The following MUC5B variants were observed in gnomAD, a reference collection of about 807,000 sequenced individuals.
The protein encoded by MUC5B is mucin-5B.
Under a neutral mutation model 376.9 loss-of-function variants are expected in MUC5B, and 116 were observed. That is an observed-to-expected ratio of 0.31 (90% CI 0.26 to 0.36). MUC5B has a LOEUF of 0.36. MUC5B is among the 10% of genes least tolerant of loss of function. The pLI, the probability that MUC5B is intolerant of heterozygous loss-of-function variation, is 1.00. For synonymous variants in MUC5B, 3,517 were observed against 3,390.9 expected, an observed-to-expected ratio of 1.04 and a Z score of -1.29; for missense variants, 7,165 against 7,769.9, an observed-to-expected ratio of 0.92 and a Z score of 2.93.
chr11:1,256,624 G>A, intron 38 of MUC5B, 47 bp from the exon 39 acceptor site: 1 of 1,465,888 alleles, frequency 6.8e-7, no homozygotes, highest in Non-Finnish European at 9.2e-7. Flanking sequence ...TGACAGTGGA[G>A]GCCTCCTGGA....
rs753818296 is a variant in MUC5B at position 1,241,395 on chromosome 11, C to A, written c.4515C>A (p.Pro1505=). Residue 1505 remains proline (P), a synonymous_variant, in exon 31 of 49, where the codon CCC becomes CCA. Transcript: ENST00000529681. ...CCCCAGGTACCACCACCTGCCAGCC[C>A]CGGTGTCAGTGGACAGAGTGGTTTG... ...PSAPGTTTCQ[P]RCQWTEWFDE... is the part of the protein sequence containing the mutation. 1 of 1,613,672 alleles carries A rather than the reference C, an allele frequency of 6.2e-7. No homozygotes were observed. The highest frequency in any genetic ancestry group is 8.5e-7 in the Non-Finnish European group (1 of 1,179,666).
Position 1,242,077 on chromosome 11 carries a change from G to A in MUC5B, c.5197G>A (p.Ala1733Thr). Residue 1733 changes from alanine to threonine, a missense_variant, in exon 31 of 49, where the codon GCC (alanine) becomes ACC (threonine). Physicochemically the swap from Ala to Thr is moderately conservative, Grantham distance 58. Coordinates refer to ENST00000529681, the MANE Select transcript of MUC5B (RefSeq NM_002458.3). ...CTCCAGAGCTCGCCCGACAGGCACAGCCAGCACCGCTTCCAAAGAGCCGCT... is the reference window on the plus strand; with the variant it reads ...CTCCAGAGCTCGCCCGACAGGCACAACCAGCACCGCTTCCAAAGAGCCGCT... ...ATSRARPTGT[A>T]STASKEPLTT... 1 of 1,609,070 alleles carries A rather than the reference G, an allele frequency of 6.2e-7. No homozygotes were observed. The highest frequency in any genetic ancestry group is 8.5e-7 in the Non-Finnish European group (1 of 1,178,058).
In MUC5B at chr11:1,256,139, C is replaced by G. The variant is rs367952139; in HGVS notation, c.16067-17C>G. 40 of 724,024 alleles carry G rather than the reference C, an allele frequency of 5.5e-5. No homozygotes were observed. The highest frequency in any genetic ancestry group is 9.5e-5 in the Non-Finnish European group (37 of 389,618). 44.8% of individuals were successfully genotyped at this position (724,024 alleles called of 1,614,324 possible). On this transcript the variant is annotated splice_polypyrimidine_tract_variant and intron_variant, in intron 37 of 48. Coordinates refer to ENST00000529681, the MANE Select transcript of MUC5B (RefSeq NM_002458.3). ...CCCCAACCCCTTGGCTTGTCTGACA[C>G]CTCTCTGTGCCCACAGACCTCACCT... is the stretch of plus-strand genomic sequence containing the variant.
intron 44 of MUC5B, 139 bp downstream of exon 44, chr11:1,259,200 C>A: frequency 4.9e-6 from 4 of 814,888 alleles, no homozygotes; most frequent in Non-Finnish European, 7.6e-6. Flanking sequence ...CCAGGTGAGT[C>A]CCTGAGGCAC....
rs1056776248 is a variant in MUC5B, at chr11:1,253,767, G to A, written c.15218-325G>A. Among the ~76,000 whole-genome samples, 2 of 152,126 alleles carry A rather than the reference G, an allele frequency of 1.3e-5. No individual in the cohort carries two copies. The highest frequency in any genetic ancestry group is 2.9e-5 in the Non-Finnish European group (2 of 68,014). ...CCCTCTCTGTGTCTGTGTCTCTTCT[G>A]TCTCCCGTAAGGACACTGGTCATTG... On this transcript the variant is annotated intron_variant, in intron 33 of 48. Coordinates refer to ENST00000529681, the MANE Select transcript of MUC5B (RefSeq NM_002458.3). This position sits in a 1 kb window ranked among gnomAD's most constrained non-coding sequence, Gnocchi z 4.3.
rs1329254583 is a variant in MUC5B, at chr11:1,234,348, C to T, written c.2478+43C>T. ...GGGAGGGGTGGGCAGGGAAGGGGTC[C>T]CAGCTTTCCCAGCTCCCGAGCCCAG... On this transcript the variant is annotated intron_variant, in intron 20 of 48. Coordinates refer to ENST00000529681, the MANE Select transcript of MUC5B (RefSeq NM_002458.3). This position sits in a 1 kb window ranked among gnomAD's most constrained non-coding sequence, Gnocchi z 6.3. The T allele has an allele frequency of 4.6e-6, 7 of 1,531,184 alleles. No individual in the cohort carries two copies. The highest frequency in any genetic ancestry group is 6.2e-6 in the Non-Finnish European group (7 of 1,125,664). 94.8% of individuals were successfully genotyped at this position (1,531,184 alleles called of 1,614,324 possible).
Position 1,235,422 on chromosome 11 carries a change from G to A in MUC5B, c.2880+9G>A, listed in dbSNP as rs766365366. The A allele has an allele frequency of 5.9e-5, 95 of 1,607,666 alleles. No homozygotes were observed. The highest frequency in any genetic ancestry group is 7.6e-5 in the Non-Finnish European group (89 of 1,177,562). On this transcript the variant is annotated intron_variant, in intron 23 of 48. Transcript: ENST00000529681. Reference sequence around the variant, plus strand: ...TCAAGCTCTTCGTGGAGGTGAGAACGGCCCCAGCTGTGAGCACCCCCGACC... The same window carrying A: ...TCAAGCTCTTCGTGGAGGTGAGAACAGCCCCAGCTGTGAGCACCCCCGACC...
In MUC5B at chr11:1,251,291, A is replaced by G. The variant is rs149017229; in HGVS notation, c.14411A>G (p.Asn4804Ser). 5.0e-6 allele frequency: 8 copies of G among 1,607,836 alleles called. No homozygotes were observed. Among genetic ancestry groups the G allele is most frequent in the Admixed American group, 1.7e-5 (1 of 59,880 alleles). Residue 4804 changes from asparagine (N) to serine (S), a missense_variant, in exon 31 of 49, where the codon AAT (asparagine) becomes AGT (serine). By Grantham distance (46) the Asn-to-Ser change is conservative. Around this residue, in one of 31 missense-constraint regions of MUC5B, gnomAD observed 730 missense variants for 592.7 expected, o/e 1.23. Coordinates refer to ENST00000529681, the MANE Select transcript of MUC5B (RefSeq NM_002458.3). ...ACAGCCACCATGACAAGGGCCACCAATTCCACGGCCACACCCTCCTCCACT... is the reference window on the plus strand; with the variant it reads ...ACAGCCACCATGACAAGGGCCACCAGTTCCACGGCCACACCCTCCTCCACT... Reference protein sequence around the residue: ...TTTATMTRATNSTATPSSTLG... With the variant: ...TTTATMTRATSSTATPSSTLG...
In MUC5B at chr11:1,249,947, C is replaced by T. The variant is rs747418376; in HGVS notation, c.13067C>T (p.Thr4356Ile). 6.2e-7 allele frequency: 1 copy of T among 1,612,460 alleles called. No homozygotes were observed. Among genetic ancestry groups the T allele is most frequent in the East Asian group, 2.2e-5 (1 of 44,832 alleles). The change falls in exon 31 of 49, where the codon ACT becomes ATT. Residue 4356 changes from threonine to isoleucine, a missense_variant. Transcript: ENST00000529681. ...ATMSTIHPSS[T>I]PETTHTSTVL... ...ATGTCCACAATCCACCCCTCCTCCA[C>T]TCCGGAGACCACCCACACCTCCACA...
rs1185361769 is a variant in MUC5B at position 1,253,128 on chromosome 11, G to T, written c.15217+148G>T. ...TGGTGGGGCATGGTGGGGTGCAGTG[G>T]GGCATGGTGGGGCATGGTGGGGTGT... On this transcript the variant is annotated intron_variant, in intron 33 of 48. Transcript: ENST00000529681. This position sits in a 1 kb window ranked among gnomAD's most constrained non-coding sequence, Gnocchi z 4.3. 5.1e-6 allele frequency: 4 copies of T among 781,162 alleles called. No homozygotes were observed. Among genetic ancestry groups the T allele is most frequent in the Admixed American group, 4.5e-5 (2 of 44,692 alleles). The allele number at this position is 781,162 out of a possible 1,614,324, so 48.4% of individuals were successfully genotyped here.
Position 1,233,112 on chromosome 11 carries a change from G to T in MUC5B, c.2165G>T (p.Cys722Phe), listed in dbSNP as rs765821626. 3.1e-6 allele frequency: 5 copies of T among 1,607,982 alleles called. No homozygotes were observed. The East Asian group carries it at 1.1e-4, about 36-fold the overall frequency. ...GGCCTGAGTGAGGCCGACGTCACCT[G>T]CAGCGTTTCCTTCGTGCCTGTGGAC... ...CRGLSEADVTCSVSFVPVDGC... is the reference protein window; with the variant it reads ...CRGLSEADVTFSVSFVPVDGC... Residue 722 changes from cysteine to phenylalanine, a missense_variant, in exon 18 of 49, where the codon TGC becomes TTC. Around this residue, in one of 31 missense-constraint regions of MUC5B, gnomAD observed 530 missense variants for 604.0 expected, o/e 0.88. Coordinates refer to ENST00000529681, the MANE Select transcript of MUC5B (RefSeq NM_002458.3).
rs760089424 is a variant in MUC5B, at chr11:1,248,683, T to G, written c.11803T>G (p.Ser3935Ala). ...GGCCACTGGTTCTATGGCAACACCC[T>G]CCTCTAGCACACAGACCAGTGGTAC... is the stretch of plus-strand genomic sequence containing the variant. ...TVATGSMATP[S>A]SSTQTSGTPP... Residue 3935 changes from serine to alanine, a missense_variant, in exon 31 of 49, where the codon TCC becomes GCC. Coordinates refer to ENST00000529681, the MANE Select transcript of MUC5B (RefSeq NM_002458.3). The G allele has an allele frequency of 2.4e-4, 385 of 1,582,224 alleles. No individual in the cohort carries two copies. The highest frequency in any genetic ancestry group is 1.0e-5 in the Non-Finnish European group (12 of 1,166,950).
In MUC5B at chr11:1,244,750, C is replaced by A. The variant is rs746239911; in HGVS notation, c.7870C>A (p.Pro2624Thr). ...TGFTATPSSS[P>T]GTARTLPVWI... ...CTTCACAGCCACCCCCTCCTCCAGC[C>A]CAGGGACGGCACGCACGCTTCCAGT... The change falls in exon 31 of 49, where the codon CCA becomes ACA. Residue 2624 changes from proline to threonine, a missense_variant. Pro to Thr is a conservative substitution (Grantham distance 38). Coordinates refer to ENST00000529681, the MANE Select transcript of MUC5B (RefSeq NM_002458.3). The A allele has an allele frequency of 6.2e-6, 10 of 1,612,562 alleles. No individual in the cohort carries two copies. The South Asian group carries it at 1.1e-4, about 18-fold the overall frequency.
At chr11:1,225,502 GGGA>G (rs1861858762) in intron 1 of MUC5B, among the ~76,000 whole-genome samples, 176 bp from the exon 2 acceptor site, 2 of 152,234 alleles carry the variant, frequency 1.3e-5, no homozygotes, top group African/African-American at 4.8e-5. Flanking sequence ...TGAGCGGCTG[GGGA>G]GGAGTCCCGG....
chr11:1,233,395 G>A, intron 18 of MUC5B, 127 bp downstream of exon 18: 1 of 1,110,260 alleles, frequency 9.0e-7, no homozygotes, highest in Non-Finnish European at 1.2e-6. Context: ...GGAGAGTGGG[G>A]CAGGGTGGAC....
chr11:1,254,851 T>A lies in MUC5B; in HGVS notation c.15635T>A (p.Leu5212His). Residue 5212 changes from leucine (L) to histidine (H), a missense_variant, in exon 35 of 49, where the codon CTC becomes CAC. This residue lies in a region of MUC5B where 842 missense variants were observed against 1,016.9 expected (regional missense o/e 0.83). Transcript: ENST00000529681. ...TTCCAGGCCCGGCTGCCCTACAGCC[T>A]CTTCCACAACAACACCGAGGGCCAG... ...QVFQARLPYSLFHNNTEGQCG... is the reference protein window; with the variant it reads ...QVFQARLPYSHFHNNTEGQCG... 1.2e-6 allele frequency: 2 copies of A among 1,612,124 alleles called. No individual in the cohort carries two copies. Among genetic ancestry groups the A allele is most frequent in the Non-Finnish European group, 1.7e-6 (2 of 1,179,736 alleles).
At chr11:1,239,057 G>T in intron 26 of MUC5B, 30 bp downstream of exon 26, 1 of 1,563,626 alleles carries the variant, frequency 6.4e-7, no homozygotes, top group South Asian at 1.2e-5. Context: ...TGGTGCTGAA[G>T]GGTGGAGCTG....
intron 4 of MUC5B, 33 bp downstream of exon 4, chr11:1,226,909 C>G (rs746594403): frequency 1.4e-6 from 2 of 1,411,240 alleles, no homozygotes; most frequent in African/African-American, 1.5e-5. Context: ...GGGCGAGGGC[C>G]GGGCCACACA....
Position 1,257,048 on chromosome 11 carries a change from T to C in MUC5B, c.16238-192T>C, listed in dbSNP as rs1263528423. ...TGCCTCCCACCACCATGGACGAGGC[T>C]TCCATGCACTGACAGCTGGGCTCAC... On this transcript the variant is annotated intron_variant, in intron 39 of 48. Coordinates refer to ENST00000529681, the MANE Select transcript of MUC5B (RefSeq NM_002458.3). This position sits in a 1 kb window ranked among gnomAD's most constrained non-coding sequence, Gnocchi z 8.9. Among the ~76,000 whole-genome samples, 2 of 152,148 alleles carry C rather than the reference T, an allele frequency of 1.3e-5. No individual in the cohort carries two copies. Among genetic ancestry groups the C allele is most frequent in the Non-Finnish European group, 2.9e-5 (2 of 68,020 alleles).
Sources: gnomAD v4.1 joint callset for allele counts (sites outside exome capture counted in the v4.1 genomes callset) on GRCh38, gnomAD v4.1.1 for gene constraint, gnomAD v4.1.1 regional missense constraint, Gnocchi (gnomAD v3.1) non-coding constraint, MANE v1.5 for transcripts, NCBI Gene and HGNC (gene_info 2026-07-23, HGNC 2026-07-21) for gene names.